Variants in COL5A1 observed in about 807,000 individuals in gnomAD.
COL5A1 encodes collagen alpha-1(V) chain.
In COL5A1, 16 loss-of-function variants were observed where a neutral mutation model predicts 263.7. The observed-to-expected ratio is 0.06, with a 90% confidence interval of 0.04 to 0.09. COL5A1 has a LOEUF of 0.09. Among genes scored for constraint, COL5A1 ranks in the 10% least tolerant of loss-of-function variants. The pLI is 1.00. For synonymous variants in COL5A1, 1,012 were observed against 1,004.5 expected (o/e 1.01, Z -0.14); for missense variants, 2,036 against 2,540.5 (o/e 0.80, Z 4.27).
chr9:134,730,939 G>A (rs1283932735), intron 7 of COL5A1, among the ~76,000 whole-genome samples: 1 of 152,238 alleles, frequency 6.6e-6, no homozygotes, highest in African/African-American at 2.4e-5. Flanking sequence ...TCAGCAGACA[G>A]GCCTGAAAGC....
At chr9:134,752,749 A>G in intron 14 of COL5A1, 104 bp downstream of exon 14, 5 of 909,214 alleles carry the variant, frequency 5.5e-6, no homozygotes, top group Non-Finnish European at 8.9e-6. Context: ...CTGTGGACAC[A>G]GAGCGGCCCT....
At chr9:134,731,186 G>A (rs1338508349) in intron 7 of COL5A1, among the ~76,000 whole-genome samples, 2 of 152,196 alleles carry the variant, frequency 1.3e-5, no homozygotes, top group African/African-American at 2.4e-5. Context: ...CTGCAGCACC[G>A]CCCTGGGATG....
intron 4 of COL5A1, among the ~76,000 whole-genome samples, chr9:134,717,486 A>G (rs1012358728): frequency 1.3e-5 from 2 of 152,312 alleles, no homozygotes; most frequent in South Asian, 4.1e-4. Context: ...GGCAGGATTC[A>G]GATGTGGGCC....
chr9:134,840,447 A>G (rs1323177936), intron 65 of COL5A1, among the ~76,000 whole-genome samples: 1 of 152,188 alleles, frequency 6.6e-6, no homozygotes, highest in Non-Finnish European at 1.5e-5. Context: ...TTTCCAGCTG[A>G]GGAAACTGAG....
chr9:134,771,065 C>T (rs1033460688), intron 25 of COL5A1, among the ~76,000 whole-genome samples: 8 of 152,250 alleles, frequency 5.3e-5, no homozygotes, highest in Admixed American at 2.0e-4. Flanking sequence ...CCCTTGCAAA[C>T]GCTCTGTGCG....
chr9:134,765,054 C>T lies in COL5A1; in HGVS notation c.2035-627C>T, dbSNP rs1217369465. 6.6e-6 allele frequency among the ~76,000 whole-genome samples: 1 copy of T among 152,078 alleles called. No individual in the cohort carries two copies. Among genetic ancestry groups the T allele is most frequent in the Non-Finnish European group, 1.5e-5 (1 of 67,988 alleles). On this transcript the variant is annotated intron_variant, in intron 20 of 65. Transcript: ENST00000371817. The surrounding 1 kb of genome is among the most constrained non-coding windows in gnomAD (Gnocchi z 5.1). ...AGGCAGTTCTCCCGGAATCTCACTCCACCTGCGGTAAAGGGGAGGTTCTGC... is the reference window on the plus strand; with the variant it reads ...AGGCAGTTCTCCCGGAATCTCACTCTACCTGCGGTAAAGGGGAGGTTCTGC...
intron 42 of COL5A1, 144 bp from the exon 43 acceptor site, chr9:134,809,039 C>T: frequency 1.3e-6 from 1 of 770,548 alleles, no homozygotes. Flanking sequence ...GTGGCCCTGG[C>T]TGAAATCCAT....
chr9:134,715,724 G>T (rs1041887404), intron 4 of COL5A1, among the ~76,000 whole-genome samples: 2 of 152,208 alleles, frequency 1.3e-5, no homozygotes, highest in African/African-American at 4.8e-5. Flanking sequence ...ATTAAACCTT[G>T]AGTCGACACA....
chr9:134,786,646 A>G (rs1189732312), intron 31 of COL5A1, among the ~76,000 whole-genome samples: 1 of 152,234 alleles, frequency 6.6e-6, no homozygotes, highest in Non-Finnish European at 1.5e-5. Flanking sequence ...ATGTGAAATC[A>G]TGTTCAGGTT....
chr9:134,760,309 TA>T (rs1836306876), intron 18 of COL5A1, among the ~76,000 whole-genome samples: 1 of 30,838 alleles, frequency 3.2e-5, no homozygotes. Flanking sequence ...CCCCCACACA[TA>T]CACACATGCA....
intron 61 of COL5A1, among the ~76,000 whole-genome samples, chr9:134,823,825 C>A (rs1342538585): frequency 6.6e-6 from 1 of 151,948 alleles, no homozygotes; most frequent in African/African-American, 2.4e-5. Flanking sequence ...TATGTGCATG[C>A]ATGTGTAATG....
In COL5A1 at chr9:134,755,608, T is replaced by C. The variant is rs1835937796; in HGVS notation, c.1828-1157T>C. 6.6e-6 allele frequency among the ~76,000 whole-genome samples: 1 copy of C among 152,244 alleles called. No individual in the cohort carries two copies. The highest frequency in any genetic ancestry group is 6.5e-5 in the Admixed American group (1 of 15,282). On this transcript the variant is annotated intron_variant, in intron 16 of 65. Transcript: ENST00000371817. The surrounding 1 kb of genome is among the most constrained non-coding windows in gnomAD (Gnocchi z 4.1). ...CTTGTGAATTGTAGAAGCATCTGGG[T>C]GCTTTGCGGGGCTGAGTTGTGCTGT...
chr9:134,698,638 T>C (rs1429157847), intron 2 of COL5A1, among the ~76,000 whole-genome samples: 1 of 152,218 alleles, frequency 6.6e-6, no homozygotes, highest in Non-Finnish European at 1.5e-5. Flanking sequence ...GCAGCTGTGC[T>C]GGAGTGACCA....
chr9:134,725,091 C>T (rs553355801), intron 4 of COL5A1, among the ~76,000 whole-genome samples: 13 of 152,306 alleles, frequency 8.5e-5, no homozygotes, highest in Non-Finnish European at 1.2e-4. Flanking sequence ...CCTGCGGCAC[C>T]GTCTCTGGTG....
chr9:134,820,281 G>C (rs1169202055), intron 58 of COL5A1, 58 bp downstream of exon 58: 1 of 1,406,572 alleles, frequency 7.1e-7, no homozygotes, highest in East Asian at 2.3e-5. Flanking sequence ...AGATCCCTGG[G>C]GCAGGCACCC....
At chr9:134,733,553 C>CT (rs1834983454) in intron 9 of COL5A1, among the ~76,000 whole-genome samples, 1 of 152,206 alleles carries the variant, frequency 6.6e-6, no homozygotes. Flanking sequence ...GGGTCATGGG[C>CT]TGCAGGGCAA....
intron 30 of COL5A1, among the ~76,000 whole-genome samples, chr9:134,785,466 C>T (rs1192198631): frequency 6.6e-6 from 1 of 152,228 alleles, no homozygotes; most frequent in African/African-American, 2.4e-5. Context: ...GTGTGGCAGC[C>T]TGGCAGGAAG....
At position 134,806,541 on chromosome 9, in the gene COL5A1, C is replaced by A. The variant is rs138196691; in HGVS notation, c.3366+245C>A. Reference sequence around the variant, plus strand: ...TCCGCCATCAGCTGAGCCAGAGGAGCCCTGTGGGATGATGTTGGGCCGGTC... The same window carrying A: ...TCCGCCATCAGCTGAGCCAGAGGAGACCTGTGGGATGATGTTGGGCCGGTC... On this transcript the variant is annotated intron_variant, in intron 42 of 65. Coordinates refer to ENST00000371817, the MANE Select transcript of COL5A1 (RefSeq NM_000093.5). Among the ~76,000 whole-genome samples the A allele has an allele frequency of 0.017, 2,654 of 152,296 alleles. 40 individuals carry two copies. Among genetic ancestry groups the A allele is most frequent in the Non-Finnish European group, 0.025 (1,727 of 68,030 alleles).
At chr9:134,748,173 C>T (rs949518299) in intron 11 of COL5A1, among the ~76,000 whole-genome samples, 1 of 151,632 alleles carries the variant, frequency 6.6e-6, no homozygotes, top group African/African-American at 2.4e-5. Flanking sequence ...CGTGCACACA[C>T]ATGCATTCAT....
Sources: allele counts gnomAD v4.1 joint callset (sites outside exome capture counted in the v4.1 genomes callset), GRCh38; gene constraint gnomAD v4.1.1; non-coding constraint Gnocchi (gnomAD v3.1); transcripts MANE v1.5; gene names NCBI Gene and HGNC (gene_info 2026-07-23, HGNC 2026-07-21).